MICALL2: variants seen among roughly 807,000 people sequenced by gnomAD.
MICALL2 encodes MICAL-like protein 2.
A neutral mutation model predicts 91.1 loss-of-function variants in MICALL2; 111 were observed. The observed-to-expected ratio is 1.22, with a 90% CI of 1.04 to 1.43. The LOEUF (loss-of-function observed/expected upper bound fraction) is 1.43. MICALL2 is among the 40% of genes most tolerant of loss of function. The pLI is 0.00. For missense variants in MICALL2, 1,556 were observed against 1,236.0 expected (o/e 1.26, Z -3.88); for synonymous variants, 694 against 525.3 (o/e 1.32, Z -4.39).
chr7:1,439,872 G>T lies in MICALL2; in HGVS notation c.1966+53C>A, dbSNP rs61504673. On this transcript the variant is annotated intron_variant, in intron 9 of 16. Transcript: ENST00000297508. ...GTCCAGTCCCGGGGCCCCCACCCAA[G>T]GGGGAGGGCCAGCTAGGCAACCCGG... The T allele has an allele frequency of 3.3e-3, 4,512 of 1,374,968 alleles. 87 individuals are homozygous for T. In the African/African-American group the frequency reaches 0.048, roughly 15 times the overall value. The allele number at this position is 1,374,968 out of a possible 1,614,324, so 85.2% of individuals were successfully genotyped here.
chr7:1,436,884 C>A (rs60306276), intron 14 of MICALL2, 28 bp from the exon 15 acceptor site: 280,112 of 1,490,736 alleles, frequency 0.19, 31,677 homozygotes, highest in African/African-American at 0.52. Flanking sequence ...CAGCAGGAGC[C>A]CCCCCCACCA....
rs1225540191 is a variant in MICALL2, at chr7:1,459,278, C to T, written c.49G>A (p.Gly17Ser). 1.9e-5 allele frequency: 30 copies of T among 1,605,912 alleles called. No individual in the cohort carries two copies. Among genetic ancestry groups the T allele is most frequent in the Non-Finnish European group, 2.3e-5 (27 of 1,177,170 alleles). The change falls in exon 1 of 17, where the codon GGC becomes AGC. Residue 17 changes from glycine to serine, a missense_variant. By Grantham distance (56) the Gly-to-Ser change is moderately conservative. Coordinates refer to ENST00000297508, the MANE Select transcript of MICALL2 (RefSeq NM_182924.4). ...LQQWCRQQCE[G>S]YRDVNICNMT... ...TTGCAGATATTCACGTCGCGGTAGC[C>T]CTCGCACTGCTGCCGGCACCACTGT...
Position 1,438,335 on chromosome 7 carries a change from G to A in MICALL2, c.2141C>T (p.Ala714Val), listed in dbSNP as rs779281851. 31 of 1,604,456 alleles carry A rather than the reference G, an allele frequency of 1.9e-5. No individual in the cohort carries two copies. The African/African-American group carries it at 2.4e-4, about 12-fold the overall frequency. The change falls in exon 11 of 17, where the codon GCC (alanine) becomes GTC (valine). Residue 714 changes from alanine to valine, a missense_variant. Ala to Val is a moderately conservative substitution (Grantham distance 64, BLOSUM62 0). Transcript: ENST00000297508. ...QGKPGRPLSP[A>V]NVPALPGETV... ...CTCGCCAGGCAGAGCAGGGACATTG[G>A]CCGGGGACAAGGGTCTCCCTGGAGA... is the stretch of plus-strand genomic sequence containing the variant.
chr7:1,448,600 C>T lies in MICALL2; in HGVS notation c.334+20G>A, dbSNP rs547060698. On this transcript the variant is annotated intron_variant, in intron 3 of 16. Transcript: ENST00000297508. ...GGGGGCCTGGTCCTGCCTGGCTCGG[C>T]GGGCGCGGCAGGGACTCACTGGGGG... 89 of 1,611,670 alleles carry T rather than the reference C, an allele frequency of 5.5e-5. No homozygotes were observed. Among genetic ancestry groups the T allele is most frequent in the Non-Finnish European group, 7.1e-5 (84 of 1,179,300 alleles).
rs370879236 is a variant in MICALL2 at position 1,438,822 on chromosome 7, G to C, written c.2122+18C>G. On this transcript the variant is annotated intron_variant, in intron 10 of 16. Transcript: ENST00000297508. ...CTTCACGTACACCCCAAACAGCAGC[G>C]GTGTCTCTGGGGCTGACCTGGTTTG... The C allele has an allele frequency of 6.3e-7, 1 of 1,585,920 alleles. No homozygotes were observed. Among genetic ancestry groups the C allele is most frequent in the Admixed American group, 1.7e-5 (1 of 59,090 alleles).
chr7:1,442,455 C>A lies in MICALL2; in HGVS notation c.1448G>T (p.Ser483Ile), dbSNP rs1033672407. The A allele has an allele frequency of 5.2e-6, 8 of 1,545,264 alleles. No individual in the cohort carries two copies. The highest frequency in any genetic ancestry group is 6.1e-6 in the Non-Finnish European group (7 of 1,143,934). ...TGGTGCTTCAGTTTTGGGCTGAGAA[C>A]TGGGAACAGCGGCAGTGGCTGGGGA... ...RPSPATAAVP[S>I]SQPKTEAPQA... The change falls in exon 7 of 17, where the codon AGT becomes ATT. Residue 483 changes from serine to isoleucine, a missense_variant. Ser to Ile is a moderately radical substitution (Grantham distance 142). Transcript: ENST00000297508.
Position 1,440,029 on chromosome 7 carries a change from G to A in MICALL2, c.1862C>T (p.Pro621Leu), listed in dbSNP as rs1780204034. Reference protein sequence around the residue: ...ALAEPRAGEAPRKVSGSFAGS... With the variant: ...ALAEPRAGEALRKVSGSFAGS... ...AGCAAAGCTGCCTGAGACCTTCCTG[G>A]GGGCCTCCCCCGCCCTCGGCTCTGC... is the stretch of plus-strand genomic sequence containing the variant. Residue 621 changes from proline to leucine, a missense_variant, in exon 9 of 17, where the codon CCC becomes CTC. Pro to Leu is a moderately conservative substitution (Grantham distance 98, BLOSUM62 -3). Coordinates refer to ENST00000297508, the MANE Select transcript of MICALL2 (RefSeq NM_182924.4). 1 of 1,577,572 alleles carries A rather than the reference G, an allele frequency of 6.3e-7. No individual in the cohort carries two copies. Among genetic ancestry groups the A allele is most frequent in the Non-Finnish European group, 8.6e-7 (1 of 1,168,710 alleles).
intron 14 of MICALL2, chr7:1,437,330 C>A (rs867569938): frequency 4.0e-6 from 2 of 504,186 alleles, no homozygotes; most frequent in African/African-American, 2.1e-5. Context: ...GAGGATGAAA[C>A]CCAAGCACAG....
At chr7:1,435,739 G>A (rs1223958943) in intron 15 of MICALL2, among the ~76,000 whole-genome samples, 1 of 152,210 alleles carries the variant, frequency 6.6e-6, no homozygotes, top group Non-Finnish European at 1.5e-5. Context: ...AGACGCACGT[G>A]GCCTTGGAAG....
chr7:1,437,250 G>A (rs1172602606), intron 14 of MICALL2: 1 of 506,118 alleles, frequency 2.0e-6, no homozygotes, highest in Non-Finnish European at 3.5e-6. Flanking sequence ...TAAATGCCTT[G>A]TGCGAATTGA....
chr7:1,448,732 G>A lies in MICALL2; in HGVS notation c.222C>T (p.Gly74=), dbSNP rs1169458357. The part of the protein sequence containing the change: ...LAFRVAEEHL[G]IPALLDAEDM... The stretch of plus-strand genomic sequence containing the variant: ...CCTCGGCATCCAGCAAGGCTGGGAT[G>A]CCCAAGTGCTCCTCGGCCACGCGGA... The change falls in exon 3 of 17, where the codon GGC becomes GGT. Residue 74 remains glycine, a synonymous_variant. Coordinates refer to ENST00000297508, the MANE Select transcript of MICALL2 (RefSeq NM_182924.4). The A allele has an allele frequency of 6.2e-7, 1 of 1,612,782 alleles. No individual in the cohort carries two copies. Among genetic ancestry groups the A allele is most frequent in the Non-Finnish European group, 8.5e-7 (1 of 1,179,932 alleles).
In MICALL2 at chr7:1,434,634, TCTTGGACAAGCGGAA is replaced by T. The variant is rs779894989; in HGVS notation, c.2662_2676del (p.Phe888_Lys892del). Reference sequence around the variant, plus strand: ...CTGCTTTTGCTTTTTGGTGACCAGATCTTGGACAAGCGGAACTTGGACTTCTTCCTCTGGAGGCCT... The same window carrying T: ...CTGCTTTTGCTTTTTGGTGACCAGATCTTGGACTTCTTCCTCTGGAGGCCT... On this transcript the variant is annotated inframe_deletion, in exon 17 of 17. Transcript: ENST00000297508. 1.8e-4 allele frequency: 279 copies of T among 1,579,298 alleles called. No homozygotes were observed. Among genetic ancestry groups the T allele is most frequent in the Non-Finnish European group, 2.3e-4 (272 of 1,166,978 alleles).
At chr7:1,438,266 C>T (rs1780082575) in intron 11 of MICALL2, 23 bp downstream of exon 11, 6 of 1,587,702 alleles carry the variant, frequency 3.8e-6, no homozygotes, top group East Asian at 4.6e-5. Context: ...TGGGCCCCTG[C>T]CCGGCTCCCC....
Position 1,444,915 on chromosome 7 carries a change from T to C in MICALL2, c.1155A>G (p.Ala385=). The C allele has an allele frequency of 6.5e-7, 1 of 1,545,058 alleles. No individual in the cohort carries two copies. ...TTGAACTGAGTGTGGTTTGAGGAGC[T>C]GCCACTCGGGGGGCTCCCCCACCCT... The part of the protein sequence containing the change: ...TPQGGGAPRV[A]APQTTLSSSS... The change falls in exon 6 of 17, where the codon GCA becomes GCG. Residue 385 remains alanine (A), a synonymous_variant. Transcript: ENST00000297508.
At chr7:1,457,401 C>G (rs1487244120) in intron 1 of MICALL2, among the ~76,000 whole-genome samples, 2 of 152,254 alleles carry the variant, frequency 1.3e-5, no homozygotes, top group Non-Finnish European at 2.9e-5. Flanking sequence ...GGCCTCCTCT[C>G]TCTCCCGCCT....
At position 1,446,814 on chromosome 7, in the gene MICALL2, C is replaced by A; in HGVS notation, c.540G>T (p.Ala180=). ...CGCAGGTGCTGCTGACCAAGCTGCC[C>A]GCCAATGCCTGGTCCTGGGGAAGAT... ...GPPPKTDQAL[A]GSLVSSTCGV... The change falls in exon 5 of 17, where the codon GCG becomes GCT. Residue 180 remains alanine (A), a synonymous_variant. Transcript: ENST00000297508. The A allele has an allele frequency of 6.3e-7, 1 of 1,595,218 alleles. No homozygotes were observed. Among genetic ancestry groups the A allele is most frequent in the Non-Finnish European group, 8.5e-7 (1 of 1,171,042 alleles).
At position 1,439,122 on chromosome 7, in the gene MICALL2, G is replaced by A. The variant is rs181052767; in HGVS notation, c.1967-127C>T. On this transcript the variant is annotated intron_variant, in intron 9 of 16. Coordinates refer to ENST00000297508, the MANE Select transcript of MICALL2 (RefSeq NM_182924.4). ...TCCCCATGCCCTGGGCCTCCCGACTGGCACAGGGTTGGCATCACAAGCCCT... is the reference window on the plus strand; with the variant it reads ...TCCCCATGCCCTGGGCCTCCCGACTAGCACAGGGTTGGCATCACAAGCCCT... The A allele has an allele frequency of 5.6e-5, 42 of 753,216 alleles. No individual in the cohort carries two copies. The East Asian group carries it at 6.4e-4, about 12-fold the overall frequency. 46.7% of individuals were successfully genotyped at this position (753,216 alleles called of 1,614,324 possible).
Position 1,459,219 on chromosome 7 carries a change from G to A in MICALL2, c.108C>T (p.Phe36=), listed in dbSNP as rs367879599. The A allele has an allele frequency of 5.9e-5, 95 of 1,611,036 alleles. No homozygotes were observed. Among genetic ancestry groups the A allele is most frequent in the Admixed American group, 1.5e-4 (9 of 59,788 alleles). Residue 36 remains phenylalanine, a synonymous_variant, in exon 1 of 17, where the codon TTC becomes TTT. Coordinates refer to ENST00000297508, the MANE Select transcript of MICALL2 (RefSeq NM_182924.4). ...GCCGGTGGCGGTGCAGGATGGCGCA[G>A]AAAGCCAGGCCGTCGCGGAACGACG... ...MTTSFRDGLA[F]CAILHRHRPD... is the part of the protein sequence containing the mutation.
At position 1,439,759 on chromosome 7, in the gene MICALL2, C is replaced by T. The variant is rs550733784; in HGVS notation, c.1966+166G>A. On this transcript the variant is annotated intron_variant, in intron 9 of 16. Coordinates refer to ENST00000297508, the MANE Select transcript of MICALL2 (RefSeq NM_182924.4). ...TGCACACATGCATCACACACATGCA[C>T]ACATGTACACACAAGCCTGCCCAGG... 6 of 499,812 alleles carry T rather than the reference C, an allele frequency of 1.2e-5. No homozygotes were observed. The Admixed American group carries it at 2.6e-4, about 21-fold the overall frequency. 31.0% of individuals were successfully genotyped at this position (499,812 alleles called of 1,614,324 possible).
Sources: allele counts gnomAD v4.1 joint callset (sites outside exome capture counted in the v4.1 genomes callset), GRCh38; gene constraint gnomAD v4.1.1; transcripts MANE v1.5; gene names NCBI Gene and HGNC (gene_info 2026-07-23, HGNC 2026-07-21).